The following DPP10 variants were observed in gnomAD, a reference collection of about 807,000 sequenced individuals.
DPP10 encodes the protein dipeptidyl peptidase like 10, also known as inactive dipeptidyl peptidase 10.
In DPP10, 33 loss-of-function variants were observed where a neutral mutation model predicts 120.9. The observed-to-expected ratio is 0.27, with a 90% CI of 0.21 to 0.37. The LOEUF (loss-of-function observed/expected upper bound fraction) is 0.37, where lower values mean the gene tolerates loss of function less well. DPP10 is among the 10% of genes least tolerant of loss of function. The probability of loss-of-function intolerance (pLI) is 1.00; values close to 1 mark genes in which losing one functional copy is unlikely to be tolerated. For synonymous variants in DPP10, 337 were observed against 326.1 expected (o/e 1.03, Z -0.36); for missense variants, 816 against 942.8 (o/e 0.87, Z 1.76).
chr2:114,985,602 G>GAGCCA (rs1407220357), intron 1 of DPP10, among the ~76,000 whole-genome samples: 1 of 152,180 alleles, frequency 6.6e-6, no homozygotes, highest in Non-Finnish European at 1.5e-5. Context: ...GTCCACAAAT[G>GAGCCA]AGCCAAGGAA....
chr2:115,318,999 T>C lies in DPP10; in HGVS notation c.175+9646T>C, dbSNP rs58086616. Among the ~76,000 whole-genome samples the C allele has an allele frequency of 3.9e-3, 599 of 152,252 alleles. 4 individuals are homozygous for C. Among genetic ancestry groups the C allele is most frequent in the African/African-American group, 0.013 (534 of 41,574 alleles). On this transcript the variant is annotated intron_variant, in intron 2 of 25. Transcript: ENST00000410059. ...TATTCTCGTCTTATTCCATCATAGG[T>C]GGAAAGCTTTCAGTCTTTATTCATT...
intron 1 of DPP10, among the ~76,000 whole-genome samples, chr2:115,197,391 C>CAA (rs757548532): frequency 1.3e-3 from 133 of 100,362 alleles, no homozygotes; most frequent in Middle Eastern, 6.4e-3. Flanking sequence ...GACTCCATCT[C>CAA]AAAAAAAAAA....
At chr2:115,435,258 A>G (rs1455686394) in intron 3 of DPP10, among the ~76,000 whole-genome samples, 1 of 151,690 alleles carries the variant, frequency 6.6e-6, no homozygotes, top group Admixed American at 6.6e-5. Flanking sequence ...AAGGAACACT[A>G]TATTGCTTGT....
chr2:115,092,637 T>C (rs1709362872), intron 1 of DPP10, among the ~76,000 whole-genome samples: 2 of 152,184 alleles, frequency 1.3e-5, no homozygotes, highest in African/African-American at 4.8e-5. Flanking sequence ...TAACATTTGA[T>C]ATAATAATGT....
At chr2:114,961,474 C>T (rs115791122) in intron 1 of DPP10, among the ~76,000 whole-genome samples, 1,731 of 150,872 alleles carry the variant, frequency 0.011, 40 homozygotes, top group African/African-American at 0.04. Context: ...TGTGTGTGCG[C>T]GCGCACATTT....
Position 114,599,592 on chromosome 2 carries a change from G to C in DPP10, c.60+156754G>C, listed in dbSNP as rs367984147. On this transcript the variant is annotated intron_variant, in intron 1 of 25. Transcript: ENST00000410059. ...TCATTGCTGGGTTTAAATATACTAAGTATACCATATTTTTTTTGTTTGTTT... is the reference window on the plus strand; with the variant it reads ...TCATTGCTGGGTTTAAATATACTAACTATACCATATTTTTTTTGTTTGTTT... Among the ~76,000 whole-genome samples the C allele has an allele frequency of 2.6e-5, 4 of 151,558 alleles. No individual in the cohort carries two copies. The South Asian group carries it at 6.2e-4, about 24-fold the overall frequency.
At position 115,823,492 on chromosome 2, in the gene DPP10, G is replaced by A. The variant is rs550271969; in HGVS notation, c.1950+7763G>A. Among the ~76,000 whole-genome samples the A allele has an allele frequency of 4.1e-4, 62 of 152,162 alleles. No individual in the cohort carries two copies. The South Asian group carries it at 4.4e-3, about 11-fold the overall frequency. Reference sequence around the variant, plus strand: ...TAGACCCATTGTGGATTTTGTTTACGCCATCCACCAAAGAAGGCATTAGAA... The same window carrying A: ...TAGACCCATTGTGGATTTTGTTTACACCATCCACCAAAGAAGGCATTAGAA... On this transcript the variant is annotated intron_variant, in intron 21 of 25. Transcript: ENST00000410059.
At chr2:114,824,847 C>G (rs1020352654) in intron 1 of DPP10, among the ~76,000 whole-genome samples, 52 of 152,120 alleles carry the variant, frequency 3.4e-4, no homozygotes, top group African/African-American at 9.9e-4. Context: ...GGAAAAATAG[C>G]CTTATAAGCT....
At position 115,800,261 on chromosome 2, in the gene DPP10, C is replaced by G. The variant is rs867403699; in HGVS notation, c.1700+8905C>G. The stretch of plus-strand genomic sequence containing the variant: ...TTGAGAAGTGTCTGTTCATGTCCTT[C>G]GCCCACTTTTTGATGGGGTTGTTTG... On this transcript the variant is annotated intron_variant, in intron 19 of 25. Coordinates refer to ENST00000410059, the MANE Select transcript of DPP10 (RefSeq NM_020868.6). 1.0e-3 allele frequency among the ~76,000 whole-genome samples: 154 copies of G among 151,720 alleles called. 2 individuals carry two copies. The highest frequency in any genetic ancestry group is 3.4e-3 in the African/African-American group (141 of 41,110).
chr2:115,723,588 T>C (rs1214363596), intron 7 of DPP10, among the ~76,000 whole-genome samples: 3 of 150,646 alleles, frequency 2.0e-5, no homozygotes, highest in African/African-American at 2.4e-5. Flanking sequence ...TCTCTGCAGG[T>C]TGGTGTATTT....
chr2:115,782,133 A>T, intron 16 of DPP10, among the ~76,000 whole-genome samples: 1 of 152,024 alleles, frequency 6.6e-6, no homozygotes, highest in Non-Finnish European at 1.5e-5. Flanking sequence ...AGAGAATCTT[A>T]ACAATAATCT....
intron 7 of DPP10, among the ~76,000 whole-genome samples, chr2:115,711,349 A>T (rs957236570): frequency 6.6e-6 from 1 of 152,098 alleles, no homozygotes; most frequent in African/African-American, 2.4e-5. Context: ...AAAATGAGGG[A>T]TACACATAAA....
At chr2:114,531,443 G>T (rs983603977) in intron 1 of DPP10, among the ~76,000 whole-genome samples, 1 of 151,102 alleles carries the variant, frequency 6.6e-6, no homozygotes, top group African/African-American at 2.4e-5. Flanking sequence ...GAATTGACAT[G>T]AGCCAATTCC....
chr2:115,288,576 C>T (rs2060501976), intron 1 of DPP10, among the ~76,000 whole-genome samples: 1 of 151,552 alleles, frequency 6.6e-6, no homozygotes, highest in African/African-American at 2.4e-5. Context: ...TAAAAATTAG[C>T]CAGGCCTGGT....
intron 1 of DPP10, among the ~76,000 whole-genome samples, chr2:115,267,917 G>A (rs1158404560): frequency 6.6e-6 from 1 of 152,082 alleles, no homozygotes; most frequent in Non-Finnish European, 1.5e-5. Flanking sequence ...TCTACTGTAG[G>A]TTAAGGCCTA....
chr2:114,754,568 G>A (rs189941563), intron 1 of DPP10, among the ~76,000 whole-genome samples: 2 of 152,214 alleles, frequency 1.3e-5, no homozygotes, highest in African/African-American at 4.8e-5. Context: ...TCACCTGGGA[G>A]CATTAAAAAT....
At chr2:115,473,717 A>G (rs1048474138) in intron 3 of DPP10, among the ~76,000 whole-genome samples, 1 of 152,216 alleles carries the variant, frequency 6.6e-6, no homozygotes, top group Non-Finnish European at 1.5e-5. Flanking sequence ...ATGACTACTT[A>G]GAGTTTTAGG....
chr2:115,391,746 CAT>C (rs67881711), intron 3 of DPP10, among the ~76,000 whole-genome samples: 4,089 of 151,878 alleles, frequency 0.027, 69 homozygotes, highest in South Asian at 0.059. Flanking sequence ...AGAGAAATAA[CAT>C]ATTAAAAATA....
At chr2:114,884,546 C>A (rs539817554) in intron 1 of DPP10, among the ~76,000 whole-genome samples, 1 of 152,226 alleles carries the variant, frequency 6.6e-6, no homozygotes, top group Non-Finnish European at 1.5e-5. Flanking sequence ...CTCTGTCTCC[C>A]CCTTCCACGT....
Sources: allele counts gnomAD v4.1 joint callset (sites outside exome capture counted in the v4.1 genomes callset), GRCh38; gene constraint gnomAD v4.1.1; transcripts MANE v1.5; gene names NCBI Gene and HGNC (gene_info 2026-07-23, HGNC 2026-07-21).